Variants in MYSM1 observed in about 807,000 individuals in gnomAD.
MYSM1 encodes the protein Myb like, SWIRM and MPN domains 1, also known as deubiquitinase MYSM1.
A neutral mutation model predicts 116.0 loss-of-function variants in MYSM1; 51 were observed. The observed-to-expected ratio is 0.44, with a 90% CI of 0.35 to 0.56. MYSM1 has a LOEUF of 0.56. Among genes scored for constraint, MYSM1 ranks in the 20% least tolerant of loss-of-function variants. The pLI is 0.00. For missense variants in MYSM1, 900 were observed against 974.9 expected, an observed-to-expected ratio of 0.92 and a Z score of 1.02; for synonymous variants, 313 against 315.2, an observed-to-expected ratio of 0.99 and a Z score of 0.07.
intron 8 of MYSM1, 129 bp downstream of exon 8, chr1:58,681,656 A>T: frequency 1.1e-6 from 1 of 924,012 alleles, no homozygotes. Context: ...ATTACAAGAA[A>T]TCTTAAATCT....
intron 13 of MYSM1, 111 bp downstream of exon 13, chr1:58,668,873 T>A: frequency 1.0e-6 from 1 of 990,228 alleles, no homozygotes; most frequent in African/African-American, 1.7e-5. Flanking sequence ...TCTCTCTCAT[T>A]TTCAGTCTTT....
chr1:58,667,965 A>C, intron 14 of MYSM1, 44 bp from the exon 15 acceptor site: 1 of 1,354,680 alleles, frequency 7.4e-7, no homozygotes, highest in Non-Finnish European at 1.1e-6. Context: ...GCACAAACCC[A>C]CCTGACAAAG....
At chr1:58,697,230 A>G (rs1343691414) in intron 1 of MYSM1, among the ~76,000 whole-genome samples, 2 of 146,354 alleles carry the variant, frequency 1.4e-5, no homozygotes, top group Non-Finnish European at 3.0e-5. Context: ...GGTGCCATTT[A>G]CTAAACTAGG....
At chr1:58,660,546 T>C (rs186490884) in intron 19 of MYSM1, among the ~76,000 whole-genome samples, 1 of 152,260 alleles carries the variant, frequency 6.6e-6, no homozygotes, top group Admixed American at 6.5e-5. Flanking sequence ...AAAATGAGGA[T>C]GCTAGCTGGA....
chr1:58,661,970 G>GT (rs1168315788), intron 17 of MYSM1, among the ~76,000 whole-genome samples: 22 of 85,714 alleles, frequency 2.6e-4, no homozygotes, highest in East Asian at 4.0e-4. Context: ...GTAAGTTATT[G>GT]TTTTTTTTTT....
chr1:58,696,189 TTC>T (rs1644971361), intron 1 of MYSM1, among the ~76,000 whole-genome samples: 2 of 152,200 alleles, frequency 1.3e-5, no homozygotes, highest in Admixed American at 1.3e-4. Flanking sequence ...AAATAAAGGA[TTC>T]TGAGACTTTT....
chr1:58,667,300 C>CA, intron 15 of MYSM1, 74 bp from the exon 16 acceptor site: 1 of 1,190,848 alleles, frequency 8.4e-7, no homozygotes, highest in Non-Finnish European at 1.1e-6. Context: ...ATAATTCTTT[C>CA]AAAGATACGG....
chr1:58,675,253 A>G (rs1204300507), intron 10 of MYSM1, among the ~76,000 whole-genome samples: 1 of 152,222 alleles, frequency 6.6e-6, no homozygotes, highest in Non-Finnish European at 1.5e-5. Flanking sequence ...TTCTGCATCA[A>G]GTTTGCTAGT....
Position 58,682,345 on chromosome 1 carries a change from A to C in MYSM1, c.699T>G (p.Ser233=). The C allele has an allele frequency of 6.2e-7, 1 of 1,614,110 alleles. No individual in the cohort carries two copies. Among genetic ancestry groups the C allele is most frequent in the Non-Finnish European group, 8.5e-7 (1 of 1,179,988 alleles). The stretch of plus-strand genomic sequence containing the variant: ...TAGAATTCTTCTGGGGTGTTTGAGA[A>C]GACAACTCGTCCACCTCATCTGTGA... ...VDITDEVDEL[S]SQTPQKNSSS... Residue 233 remains serine, a synonymous_variant, in exon 8 of 20, where the codon TCT becomes TCG. Coordinates refer to ENST00000472487, the MANE Select transcript of MYSM1 (RefSeq NM_001085487.3).
chr1:58,682,212 C>A lies in MYSM1; in HGVS notation c.832G>T (p.Gly278Cys), dbSNP rs1644756015. The A allele has an allele frequency of 1.2e-6, 2 of 1,612,936 alleles. No individual in the cohort carries two copies. Among genetic ancestry groups the A allele is most frequent in the Non-Finnish European group, 1.7e-6 (2 of 1,179,260 alleles). The stretch of plus-strand genomic sequence containing the variant: ...TCTTGCTTTTCATTTTGAAGACAGC[C>A]CCTGGAAGACTTAGAAAAGAGAGCT... ...QEALFSKSSR[G>C]CLQNEKQDET... Residue 278 changes from glycine to cysteine, a missense_variant, in exon 8 of 20, where the codon GGC (glycine) becomes TGC (cysteine). This residue lies in a region of MYSM1 where 622 missense variants were observed against 623.7 expected (regional missense o/e 1.00). Coordinates refer to ENST00000472487, the MANE Select transcript of MYSM1 (RefSeq NM_001085487.3).
chr1:58,681,959 A>G lies in MYSM1; in HGVS notation c.1085T>C (p.Met362Thr). The G allele has an allele frequency of 6.2e-7, 1 of 1,614,006 alleles. No individual in the cohort carries two copies. The highest frequency in any genetic ancestry group is 8.5e-7 in the Non-Finnish European group (1 of 1,180,014). Residue 362 changes from methionine (M) to threonine (T), a missense_variant, in exon 8 of 20, where the codon ATG (methionine) becomes ACG (threonine). By Grantham distance (81) the Met-to-Thr change is moderately conservative. Around this residue, in one of 3 missense-constraint regions of MYSM1, gnomAD observed 622 missense variants for 623.7 expected, o/e 1.00. Transcript: ENST00000472487. ...DNEMLFHSCQMVEESHEEEEL... is the reference protein window; with the variant it reads ...DNEMLFHSCQTVEESHEEEEL... ...TTCTTCCTCATGGCTTTCCTCTACCATTTGGCAAGAATGAAAAAGCATTTC... is the reference window on the plus strand; with the variant it reads ...TTCTTCCTCATGGCTTTCCTCTACCGTTTGGCAAGAATGAAAAAGCATTTC...
At chr1:58,661,097 T>C (rs1644383825) in intron 19 of MYSM1, 73 bp downstream of exon 19, 2 of 1,114,436 alleles carry the variant, frequency 1.8e-6, no homozygotes, top group African/African-American at 1.5e-5. Flanking sequence ...TTAGGCATCA[T>C]GGGAAAACAC....
At chr1:58,682,627 T>C (rs1405718326) in intron 7 of MYSM1, 82 bp from the exon 8 acceptor site, 6 of 1,279,246 alleles carry the variant, frequency 4.7e-6, no homozygotes, top group South Asian at 3.3e-5. Context: ...AGGATAAATA[T>C]ACAGTGTTAT....
chr1:58,685,729 A>T (rs898486765), intron 6 of MYSM1, among the ~76,000 whole-genome samples: 15 of 152,316 alleles, frequency 9.8e-5, no homozygotes, highest in African/African-American at 2.6e-4. Flanking sequence ...ACTCTATCAG[A>T]TATCACAGTG....
chr1:58,693,400 C>T (rs573839963), intron 2 of MYSM1, among the ~76,000 whole-genome samples: 30 of 152,216 alleles, frequency 2.0e-4, no homozygotes, highest in Non-Finnish European at 3.7e-4. Context: ...GCCATAATAC[C>T]CAACAGCCCA....
In MYSM1 at chr1:58,656,947, T is replaced by A. The variant is rs1392137910; in HGVS notation, c.*3050A>T. The A allele has an allele frequency of 6.6e-6, 1 of 152,150 alleles. No individual in the cohort carries two copies. Among genetic ancestry groups the A allele is most frequent in the Non-Finnish European group, 1.5e-5 (1 of 68,022 alleles). 9.4% of individuals were successfully genotyped at this position (152,150 alleles called of 1,614,324 possible). On this transcript the variant is annotated 3_prime_UTR_variant, in exon 20 of 20. Coordinates refer to ENST00000472487, the MANE Select transcript of MYSM1 (RefSeq NM_001085487.3). The stretch of plus-strand genomic sequence containing the variant: ...TTGTAAAATATCACTTTTAATTTTG[T>A]ATGGAAGAAGGGGTCTAAGATGGCA...
At chr1:58,691,736 G>A (rs1051089325) in intron 3 of MYSM1, among the ~76,000 whole-genome samples, 1 of 152,016 alleles carries the variant, frequency 6.6e-6, no homozygotes, top group South Asian at 2.1e-4. Flanking sequence ...GTGTGGTGGT[G>A]TGCGCCCATA....
intron 12 of MYSM1, 42 bp from the exon 13 acceptor site, chr1:58,669,080 T>C: frequency 1.5e-6 from 2 of 1,363,904 alleles, no homozygotes; most frequent in Non-Finnish European, 2.0e-6. Flanking sequence ...TCAACAAGAT[T>C]AGGAAAATAA....
chr1:58,697,961 A>C (rs1017931520), intron 1 of MYSM1, among the ~76,000 whole-genome samples: 6 of 150,544 alleles, frequency 4.0e-5, no homozygotes, highest in African/African-American at 1.5e-4. Flanking sequence ...GTGTCTATTA[A>C]ATTAATTCTC....
Sources: allele counts gnomAD v4.1 joint callset (sites outside exome capture counted in the v4.1 genomes callset), GRCh38; gene constraint gnomAD v4.1.1; regional missense constraint gnomAD v4.1.1; transcripts MANE v1.5; gene names NCBI Gene and HGNC (gene_info 2026-07-23, HGNC 2026-07-21).